The following KCNH8 variants were observed in gnomAD, a reference collection of about 807,000 sequenced individuals.
The protein encoded by KCNH8 is potassium voltage-gated channel subfamily H member 8.
KCNH8 carries 70 observed loss-of-function variants against 103.6 expected under a neutral mutation model. That is an observed-to-expected ratio of 0.68 (90% CI 0.56 to 0.82). KCNH8 has a LOEUF of 0.82. KCNH8 is among the 40% of genes least tolerant of loss of function. The pLI is 0.00. For missense variants in KCNH8, 1,217 were observed against 1,329.9 expected (o/e 0.92, Z 1.32); for synonymous variants, 498 against 489.4 (o/e 1.02, Z -0.23).
At chr3:19,358,064 G>A (rs922431507) in intron 5 of KCNH8, among the ~76,000 whole-genome samples, 3 of 151,872 alleles carry the variant, frequency 2.0e-5, no homozygotes, top group Admixed American at 1.3e-4. Context: ...TAATTAGACT[G>A]AAGTCAGATT....
intron 7 of KCNH8, among the ~76,000 whole-genome samples, chr3:19,431,260 AGTTCTGTTTAC>A (rs774061101): frequency 6.6e-6 from 1 of 152,152 alleles, no homozygotes; most frequent in Non-Finnish European, 1.5e-5. Context: ...TTTTGTCTTT[AGTTCTGTTTAC>A]GTGATGCATC....
At chr3:19,418,826 A>ATTT (rs2066900661) in intron 7 of KCNH8, among the ~76,000 whole-genome samples, 1 of 152,242 alleles carries the variant, frequency 6.6e-6, no homozygotes, top group African/African-American at 2.4e-5. Context: ...ATCCAGCTGC[A>ATTT]CATTCTTATG....
chr3:19,482,717 T>G (rs1166885683), intron 11 of KCNH8, among the ~76,000 whole-genome samples: 3 of 152,242 alleles, frequency 2.0e-5, no homozygotes, highest in Non-Finnish European at 1.5e-5. Flanking sequence ...GTCATATTTT[T>G]AACTATGTCT....
At chr3:19,257,573 A>G (rs1408548485) in intron 2 of KCNH8, among the ~76,000 whole-genome samples, 1 of 152,082 alleles carries the variant, frequency 6.6e-6, no homozygotes, top group Non-Finnish European at 1.5e-5. Flanking sequence ...CTTAGCTTTT[A>G]TATGTTTATC....
intron 11 of KCNH8, among the ~76,000 whole-genome samples, chr3:19,493,820 G>C (rs534248680): frequency 6.6e-6 from 1 of 151,888 alleles, no homozygotes; most frequent in Non-Finnish European, 1.5e-5. Flanking sequence ...AATTACATTA[G>C]TACATGATGA....
intron 3 of KCNH8, among the ~76,000 whole-genome samples, chr3:19,334,103 G>A (rs2053505): frequency 0.24 from 36,945 of 151,944 alleles, 5,217 homozygotes; most frequent in East Asian, 0.56. Context: ...TTGGGCAGAG[G>A]CCCCTCATTA....
At position 19,190,892 on chromosome 3, in the gene KCNH8, T is replaced by C. The variant is rs575621344; in HGVS notation, c.76+42097T>C. Among the ~76,000 whole-genome samples the C allele has an allele frequency of 3.5e-4, 53 of 152,026 alleles. No individual in the cohort carries two copies. In the Middle Eastern group the frequency reaches 0.017, roughly 49 times the overall value. On this transcript the variant is annotated intron_variant, in intron 1 of 15. Transcript: ENST00000328405. ...CAAGTTTGTATGGCCTTATTTCAAGTATGCTGTGTTAGTTTCATTTTTAAG... is the reference window on the plus strand; with the variant it reads ...CAAGTTTGTATGGCCTTATTTCAAGCATGCTGTGTTAGTTTCATTTTTAAG...
At position 19,450,020 on chromosome 3, in the gene KCNH8, A is replaced by C. The variant is rs987151214; in HGVS notation, c.1376-86A>C. On this transcript the variant is annotated intron_variant, in intron 8 of 15. Coordinates refer to ENST00000328405, the MANE Select transcript of KCNH8 (RefSeq NM_144633.3). ...TGTAACCATGCTCTGCTCTGCTCTG[A>C]TCCAGGATAAACTGTAAATTTAGAT... 4.4e-6 allele frequency: 5 copies of C among 1,145,182 alleles called. No individual in the cohort carries two copies. The African/African-American group carries it at 6.1e-5, about 14-fold the overall frequency. 70.9% of individuals were successfully genotyped at this position (1,145,182 alleles called of 1,614,324 possible).
At chr3:19,169,372 C>T (rs2063318039) in intron 1 of KCNH8, among the ~76,000 whole-genome samples, 1 of 151,152 alleles carries the variant, frequency 6.6e-6, no homozygotes. Context: ...CATTCTCCTG[C>T]TTCAGCCTCC....
At position 19,395,042 on chromosome 3, in the gene KCNH8, T is replaced by A. The variant is rs536078878; in HGVS notation, c.970-62T>A. On this transcript the variant is annotated intron_variant, in intron 6 of 15. Coordinates refer to ENST00000328405, the MANE Select transcript of KCNH8 (RefSeq NM_144633.3). ...CCAGAATTTTTAGAATGGCTCCAAGTTAATGTTGTGGTATGAATTTAACAC... is the reference window on the plus strand; with the variant it reads ...CCAGAATTTTTAGAATGGCTCCAAGATAATGTTGTGGTATGAATTTAACAC... 1.0e-5 allele frequency: 12 copies of A among 1,177,130 alleles called. No homozygotes were observed. In the East Asian group the frequency reaches 2.8e-4, roughly 28 times the overall value. 72.9% of individuals were successfully genotyped at this position (1,177,130 alleles called of 1,614,324 possible). A position where few individuals can be genotyped will look rare whatever the true frequency, so the allele number is the denominator to read the frequency against.
chr3:19,322,020 T>G (rs1419180869), intron 3 of KCNH8, among the ~76,000 whole-genome samples: 1 of 152,104 alleles, frequency 6.6e-6, no homozygotes, highest in Non-Finnish European at 1.5e-5. Context: ...TACTCATCTT[T>G]GGTGTCCATT....
At chr3:19,523,105 T>C (rs972497264) in intron 15 of KCNH8, among the ~76,000 whole-genome samples, 3 of 151,808 alleles carry the variant, frequency 2.0e-5, no homozygotes, top group African/African-American at 7.3e-5. Context: ...GAGAAGACCA[T>C]TCGTATCAAC....
intron 3 of KCNH8, among the ~76,000 whole-genome samples, chr3:19,288,108 T>G (rs376754769): frequency 3.3e-5 from 5 of 150,822 alleles, no homozygotes; most frequent in Admixed American, 6.6e-5. Context: ...GTAAGTGTCC[T>G]TCCCTTAAAA....
intron 11 of KCNH8, among the ~76,000 whole-genome samples, chr3:19,500,448 T>G (rs957148021): frequency 1.3e-5 from 2 of 151,976 alleles, no homozygotes; most frequent in Non-Finnish European, 2.9e-5. Flanking sequence ...AATAGACATC[T>G]ACAGAACTCT....
intron 1 of KCNH8, among the ~76,000 whole-genome samples, chr3:19,241,126 C>T (rs1255005103): frequency 6.6e-6 from 1 of 152,102 alleles, no homozygotes; most frequent in Non-Finnish European, 1.5e-5. Context: ...TGTCTGTTTG[C>T]GTTTGTCTTT....
At chr3:19,487,237 T>C (rs1448174730) in intron 11 of KCNH8, among the ~76,000 whole-genome samples, 2 of 152,168 alleles carry the variant, frequency 1.3e-5, no homozygotes, top group Non-Finnish European at 2.9e-5. Context: ...CAGGAGCTAG[T>C]CTGATGCTAA....
At chr3:19,254,973 G>C (rs911118999) in intron 2 of KCNH8, among the ~76,000 whole-genome samples, 1 of 152,166 alleles carries the variant, frequency 6.6e-6, no homozygotes, top group East Asian at 1.9e-4. Flanking sequence ...TAGAAAGTAG[G>C]TATATTGACG....
chr3:19,406,843 A>G (rs555233236), intron 7 of KCNH8, among the ~76,000 whole-genome samples: 9 of 152,296 alleles, frequency 5.9e-5, no homozygotes, highest in African/African-American at 2.2e-4. Flanking sequence ...TTAAGAGTCT[A>G]TCCTGGCCCT....
At chr3:19,501,035 C>T (rs2068571199) in intron 11 of KCNH8, among the ~76,000 whole-genome samples, 1 of 151,592 alleles carries the variant, frequency 6.6e-6, no homozygotes, top group South Asian at 2.1e-4. Context: ...ACTAGCAAGA[C>T]TAATAAAGAA....
Sources: gnomAD v4.1 joint callset for allele counts (sites outside exome capture counted in the v4.1 genomes callset) on GRCh38, gnomAD v4.1.1 for gene constraint, MANE v1.5 for transcripts, NCBI Gene and HGNC (gene_info 2026-07-23, HGNC 2026-07-21) for gene names.